The following HMCN1 variants were observed in gnomAD, a reference collection of about 807,000 sequenced individuals.
HMCN1 encodes the protein hemicentin-1.
HMCN1 carries 321 observed loss-of-function variants against 625.9 expected under a neutral mutation model. That is an observed-to-expected ratio of 0.51 (90% CI 0.47 to 0.56). The LOEUF is 0.56. Ranked by LOEUF, HMCN1 falls within the 20% of genes least tolerant of loss-of-function variation. The pLI, the probability that HMCN1 is intolerant of heterozygous loss-of-function variation, is 0.00. For synonymous variants in HMCN1, 2,425 were observed against 2,417.6 expected, an observed-to-expected ratio of 1.00 and a Z score of -0.09; for missense variants, 6,588 against 6,887.3, an observed-to-expected ratio of 0.96 and a Z score of 1.54.
rs60389475 is a variant in HMCN1, at chr1:185,894,869, G to GT, written c.622-14460dup. ...GAAGCTGTTACCATTACTCATTTTT[G>GT]TTTTTTTTCCTGACACGGTAGTTTG... On this transcript the variant is annotated intron_variant, in intron 4 of 106. Transcript: ENST00000271588. Among the ~76,000 whole-genome samples, 1,348 of 151,658 alleles carry GT rather than the reference G, an allele frequency of 8.9e-3. 14 individuals are homozygous for GT. The highest frequency in any genetic ancestry group is 0.025 in the African/African-American group (1,038 of 41,350).
At chr1:185,843,776 G>T (rs17507044) in intron 1 of HMCN1, among the ~76,000 whole-genome samples, 6 of 152,120 alleles carry the variant, frequency 3.9e-5, no homozygotes, top group African/African-American at 1.4e-4. Context: ...CAGCTGTCCA[G>T]TTGTGGCTTG....
intron 99 of HMCN1, among the ~76,000 whole-genome samples, 184 bp from the exon 100 acceptor site, chr1:186,166,624 T>G (rs570044123): frequency 1.3e-5 from 2 of 152,382 alleles, no homozygotes; most frequent in South Asian, 4.1e-4. Context: ...TTAATCACAC[T>G]GTGCTGCTGT....
chr1:185,765,756 T>TAA (rs1371436077), intron 1 of HMCN1, among the ~76,000 whole-genome samples: 1 of 152,166 alleles, frequency 6.6e-6, no homozygotes, highest in Non-Finnish European at 1.5e-5. Context: ...GCATCAGCAT[T>TAA]AACTGGGAAC....
intron 4 of HMCN1, among the ~76,000 whole-genome samples, chr1:185,887,033 G>T (rs867225385): frequency 8.5e-5 from 13 of 152,062 alleles, no homozygotes; most frequent in African/African-American, 2.9e-4. Flanking sequence ...CGGCACTTCT[G>T]CTTCCTTAAC....
Position 185,866,288 on chromosome 1 carries a change from ATGAC to A in HMCN1, c.621+427_621+430del, listed in dbSNP as rs201967073. Among the ~76,000 whole-genome samples, 720 of 150,750 alleles carry A rather than the reference ATGAC, an allele frequency of 4.8e-3. 6 individuals are homozygous for A. The highest frequency in any genetic ancestry group is 0.017 in the African/African-American group (701 of 41,466). On this transcript the variant is annotated intron_variant, in intron 4 of 106. Transcript: ENST00000271588. ...TTTCTAAGATTAAAAGTAAAAAACT[ATGAC>A]TAACTAGTAACTATGTAGTTATCAA...
At position 186,090,869 on chromosome 1, in the gene HMCN1, G is replaced by A. The variant is rs375502689; in HGVS notation, c.9839G>A (p.Trp3280Ter). Residue 3280 changes from tryptophan to a stop codon, truncating the protein, a stop_gained, in exon 64 of 107, where the codon TGG becomes TAG. Transcript: ENST00000271588. LOFTEE classifies it high-confidence loss of function. ...ANGIPTPLIQ[W>*]LKDGKPIASG... is the part of the protein sequence containing the mutation. ...GGCATTCCTACTCCACTTATTCAATGGCTTAAAGATGGAAAGCCCATAGCT... is the reference window on the plus strand; with the variant it reads ...GGCATTCCTACTCCACTTATTCAATAGCTTAAAGATGGAAAGCCCATAGCT... 1.6e-5 allele frequency: 26 copies of A among 1,612,262 alleles called. No homozygotes were observed. Among genetic ancestry groups the A allele is most frequent in the Admixed American group, 6.7e-5 (4 of 59,804 alleles).
Position 185,734,439 on chromosome 1 carries a change from T to G in HMCN1, c.-341T>G. 2 of 247,352 alleles carry G rather than the reference T, an allele frequency of 8.1e-6. No individual in the cohort carries two copies. Among genetic ancestry groups the G allele is most frequent in the East Asian group, 6.9e-5 (1 of 14,390 alleles). 15.3% of individuals were successfully genotyped at this position (247,352 alleles called of 1,614,324 possible). On this transcript the variant is annotated 5_prime_UTR_variant, in exon 1 of 107. Coordinates refer to ENST00000271588, the MANE Select transcript of HMCN1 (RefSeq NM_031935.3). ...AGCGGCGGCGGCGAGGGCAGCGGGATTCGGGCCGCGGCGCCGCAGGCTCAG... is the reference window on the plus strand; with the variant it reads ...AGCGGCGGCGGCGAGGGCAGCGGGAGTCGGGCCGCGGCGCCGCAGGCTCAG...
chr1:186,022,151 A>C (rs1654762702), intron 35 of HMCN1, among the ~76,000 whole-genome samples: 1 of 152,106 alleles, frequency 6.6e-6, no homozygotes, highest in African/African-American at 2.4e-5. Flanking sequence ...TGCTGGAAGG[A>C]CACATGTAGA....
chr1:186,065,968 T>C (rs1267186220), intron 49 of HMCN1, among the ~76,000 whole-genome samples: 3 of 152,212 alleles, frequency 2.0e-5, no homozygotes, highest in Non-Finnish European at 1.5e-5. Context: ...ATAATTCTAC[T>C]AAAATCAACT....
At position 186,015,231 on chromosome 1, in the gene HMCN1, A is replaced by G; in HGVS notation, c.4703A>G (p.Glu1568Gly). 6.2e-7 allele frequency: 1 copy of G among 1,613,718 alleles called. No homozygotes were observed. The highest frequency in any genetic ancestry group is 8.5e-7 in the Non-Finnish European group (1 of 1,179,734). ...SVLINSLIKL[E>G]CETRGLPMPA... is the part of the protein sequence containing the mutation. ...TTGATCAACAGCCTTATTAAACTGG[A>G]ATGTGAAACACGGGGACTTCCAATG... The change falls in exon 31 of 107, where the codon GAA becomes GGA. Residue 1568 changes from glutamate (E) to glycine (G), a missense_variant. By Grantham distance (98) the Glu-to-Gly change is moderately conservative. Coordinates refer to ENST00000271588, the MANE Select transcript of HMCN1 (RefSeq NM_031935.3).
Position 185,902,624 on chromosome 1 carries a change from G to A in HMCN1, c.622-6713G>A, listed in dbSNP as rs565472040. Among the ~76,000 whole-genome samples, 5 of 151,702 alleles carry A rather than the reference G, an allele frequency of 3.3e-5. No individual in the cohort carries two copies. In the South Asian group the frequency reaches 1.0e-3, roughly 31 times the overall value. ...ATATGGATAGGTAAATAAATAAAGG[G>A]TATGAATGAGGAGAAAGAGTCAGGG... On this transcript the variant is annotated intron_variant, in intron 4 of 106. Coordinates refer to ENST00000271588, the MANE Select transcript of HMCN1 (RefSeq NM_031935.3).
chr1:186,138,236 GA>G (rs1395278729), intron 89 of HMCN1, among the ~76,000 whole-genome samples: 3 of 152,096 alleles, frequency 2.0e-5, no homozygotes, highest in African/African-American at 7.2e-5. Flanking sequence ...ATCACGTAAA[GA>G]AAACATAAGT....
At chr1:185,864,379 C>A in intron 2 of HMCN1, 91 bp from the exon 3 acceptor site, 1 of 1,215,862 alleles carries the variant, frequency 8.2e-7, no homozygotes, top group Non-Finnish European at 1.2e-6. Flanking sequence ...AAAACTTGCT[C>A]GTTCTAAAAC....
In HMCN1 at chr1:186,053,034, A is replaced by G. The variant is rs748277199; in HGVS notation, c.6660A>G (p.Ser2220=). Residue 2220 remains serine, a synonymous_variant, in exon 43 of 107, where the codon TCA becomes TCG. Transcript: ENST00000271588. ...EGNLISLLCE[S]SGIPPPNLIW... ...ATCTCATTAGTCTGTTGTGTGAATC[A>G]AGTGGTATTCCACCCCCAAATCTCA... 1.7e-5 allele frequency: 28 copies of G among 1,610,232 alleles called. No homozygotes were observed. The highest frequency in any genetic ancestry group is 2.4e-5 in the Non-Finnish European group (28 of 1,177,224).
chr1:185,893,235 G>A lies in HMCN1; in HGVS notation c.622-16102G>A, dbSNP rs138593131. 7.4e-3 allele frequency among the ~76,000 whole-genome samples: 1,120 copies of A among 152,266 alleles called. 8 individuals carry two copies. Among genetic ancestry groups the A allele is most frequent in the African/African-American group, 0.026 (1,077 of 41,546 alleles). On this transcript the variant is annotated intron_variant, in intron 4 of 106. Coordinates refer to ENST00000271588, the MANE Select transcript of HMCN1 (RefSeq NM_031935.3). ...TGGCACTCCCTAGTGAGATGAACCC[G>A]GTACATCAGATGGAAATGCAGAAAT...
intron 35 of HMCN1, among the ~76,000 whole-genome samples, chr1:186,021,896 A>G (rs911910849): frequency 2.0e-5 from 3 of 152,140 alleles, no homozygotes; most frequent in African/African-American, 7.2e-5. Context: ...TTAAGAAGCT[A>G]TTATAATCCC....
At chr1:185,860,742 A>T (rs1571460945) in intron 2 of HMCN1, among the ~76,000 whole-genome samples, 1 of 152,206 alleles carries the variant, frequency 6.6e-6, no homozygotes, top group East Asian at 1.9e-4. Flanking sequence ...AAATAAAAGG[A>T]TATTTGTGAA....
intron 1 of HMCN1, among the ~76,000 whole-genome samples, chr1:185,774,749 C>T (rs1403525052): frequency 6.6e-6 from 1 of 152,020 alleles, no homozygotes; most frequent in Non-Finnish European, 1.5e-5. Flanking sequence ...CTGAAAAAAA[C>T]GCTGGTAGGA....
rs375150314 is a variant in HMCN1, at chr1:185,909,293, G to A, written c.622-44G>A. 2.8e-4 allele frequency: 413 copies of A among 1,499,668 alleles called. 3 individuals are homozygous for A. Among genetic ancestry groups the A allele is most frequent in the South Asian group, 2.7e-3 (242 of 88,654 alleles). The allele number at this position is 1,499,668 out of a possible 1,614,324, so 92.9% of individuals were successfully genotyped here. On this transcript the variant is annotated intron_variant, in intron 4 of 106. Coordinates refer to ENST00000271588, the MANE Select transcript of HMCN1 (RefSeq NM_031935.3). ...TGAAACAGCAATGATATAAAACTGCGAATGTTTTCTGATATCACTTACACT... is the reference window on the plus strand; with the variant it reads ...TGAAACAGCAATGATATAAAACTGCAAATGTTTTCTGATATCACTTACACT...
Sources: allele counts gnomAD v4.1 joint callset (sites outside exome capture counted in the v4.1 genomes callset), GRCh38; gene constraint gnomAD v4.1.1; transcripts MANE v1.5; gene names NCBI Gene and HGNC (gene_info 2026-07-23, HGNC 2026-07-21).